The following CMTR1 variants were observed in gnomAD, a reference collection of about 807,000 sequenced individuals.
CMTR1 encodes the protein cap methyltransferase 1, also known as cap-specific mRNA (nucleoside-2'-O-)-methyltransferase 1.
CMTR1 carries 39 observed loss-of-function variants against 107.0 expected under a neutral mutation model. That is an observed-to-expected ratio of 0.36 (90% CI 0.28 to 0.48). The LOEUF (loss-of-function observed/expected upper bound fraction) is 0.48. CMTR1 is among the 20% of genes least tolerant of loss of function. The pLI is 0.99. For missense variants in CMTR1, 672 were observed against 1,064.9 expected (o/e 0.63, Z 5.14); for synonymous variants, 366 against 379.5 (o/e 0.96, Z 0.41).
the CMTR1 span, among the ~76,000 whole-genome samples, chr6:37,427,055 T>C: frequency 6.6e-6 from 1 of 152,196 alleles, no homozygotes; most frequent in African/African-American, 2.4e-5. The surrounding 1 kb of genome is among the most constrained non-coding windows in gnomAD (Gnocchi z 4.4). Flanking sequence ...ACAAGCTGTT[T>C]GTAAGCTGCT....
rs1315186658 is a variant in CMTR1, at chr6:37,435,727, A to G, written c.98A>G (p.Asp33Gly). The change falls in exon 2 of 24, where the codon GAT (aspartate) becomes GGT (glycine). Residue 33 changes from aspartate (D) to glycine (G), a missense_variant. By Grantham distance (94) the Asp-to-Gly change is moderately conservative. Transcript: ENST00000373451. Reference sequence around the variant, plus strand: ...CTGAGCCTCAGCTCCACGTCCGATGATGAACCTCCCTCCTCTGTCAGTCAT... The same window carrying G: ...CTGAGCCTCAGCTCCACGTCCGATGGTGAACCTCCCTCCTCTGTCAGTCAT... ...LALSLSSTSD[D>G]EPPSSVSHGA... is the part of the protein sequence containing the mutation. 7 of 1,600,900 alleles carry G rather than the reference A, an allele frequency of 4.4e-6. No individual in the cohort carries two copies. Among genetic ancestry groups the G allele is most frequent in the Non-Finnish European group, 5.1e-6 (6 of 1,175,210 alleles).
upstream of CMTR1, among the ~76,000 whole-genome samples, chr6:37,429,145 A>C (rs1402242140): frequency 6.6e-6 from 1 of 151,856 alleles, no homozygotes. Flanking sequence ...ATCTATCTTC[A>C]AGTTTAGTGG....
At chr6:37,438,183 C>T (rs1771583607) in intron 2 of CMTR1, among the ~76,000 whole-genome samples, 1 of 151,952 alleles carries the variant, frequency 6.6e-6, no homozygotes, top group Admixed American at 6.5e-5. Flanking sequence ...AGTTTGAGAC[C>T]AGCCTGGGGA....
At chr6:37,463,884 T>C (rs923056768) in intron 13 of CMTR1, among the ~76,000 whole-genome samples, 5 of 152,204 alleles carry the variant, frequency 3.3e-5, no homozygotes, top group African/African-American at 1.2e-4. Flanking sequence ...AACTTCAGCA[T>C]GTTATAGATG....
chr6:37,467,561 T>TA (rs1254834622), intron 13 of CMTR1, among the ~76,000 whole-genome samples: 2 of 152,230 alleles, frequency 1.3e-5, no homozygotes. Context: ...AGAGGGTTGT[T>TA]AAAGTCTTTA....
intron 8 of CMTR1, among the ~76,000 whole-genome samples, chr6:37,457,772 G>C (rs1761325235): frequency 6.6e-6 from 1 of 152,180 alleles, no homozygotes; most frequent in South Asian, 2.1e-4. Flanking sequence ...CAGAGGCTAT[G>C]ATGGGAAAAG....
chr6:37,432,457 G>C (rs373586662), upstream of CMTR1, among the ~76,000 whole-genome samples: 1 of 152,286 alleles, frequency 6.6e-6, no homozygotes, highest in East Asian at 1.9e-4. Flanking sequence ...CTGCCGAGAG[G>C]GGGTAAGTGC....
intron 5 of CMTR1, among the ~76,000 whole-genome samples, chr6:37,450,665 G>T (rs1186168766): frequency 1.3e-5 from 2 of 152,200 alleles, no homozygotes; most frequent in African/African-American, 4.8e-5. Context: ...TAGATGAAAA[G>T]ACATTGTCCC....
intron 20 of CMTR1, among the ~76,000 whole-genome samples, chr6:37,477,251 A>G (rs1410235117): frequency 1.3e-5 from 2 of 152,180 alleles, no homozygotes. Context: ...CCCTCTGGTG[A>G]TGGTGAAGAT....
rs1761670736 is a variant in CMTR1 at position 37,473,552 on chromosome 6, A to G, written c.1772A>G (p.Tyr591Cys). Reference sequence around the variant, plus strand: ...GAGAAGATCCGCCCTGTGTTTGACTACCGCTGCATGGTATCTGGCAGTGAG... The same window carrying G: ...GAGAAGATCCGCCCTGTGTTTGACTGCCGCTGCATGGTATCTGGCAGTGAG... ...TLEKIRPVFD[Y>C]RCMVSGSEQK... Residue 591 changes from tyrosine (Y) to cysteine (C), a missense_variant, in exon 17 of 24, where the codon TAC (tyrosine) becomes TGC (cysteine). This residue lies in a region of CMTR1 where 583 missense variants were observed against 968.4 expected (regional missense o/e 0.60). Transcript: ENST00000373451. 1.2e-6 allele frequency: 2 copies of G among 1,614,062 alleles called. No individual in the cohort carries two copies. Among genetic ancestry groups the G allele is most frequent in the Non-Finnish European group, 1.7e-6 (2 of 1,179,996 alleles).
intron 13 of CMTR1, among the ~76,000 whole-genome samples, chr6:37,467,787 T>C (rs1767736954): frequency 6.6e-6 from 1 of 152,196 alleles, no homozygotes; most frequent in South Asian, 2.1e-4. Context: ...AAGCTTTCTT[T>C]AGCTTAGTGT....
chr6:37,437,154 T>A (rs922825313), intron 2 of CMTR1, among the ~76,000 whole-genome samples: 4 of 152,010 alleles, frequency 2.6e-5, no homozygotes, highest in African/African-American at 9.7e-5. Flanking sequence ...CAGGATTGCT[T>A]TGAATGGGAC....
intron 4 of CMTR1, among the ~76,000 whole-genome samples, chr6:37,447,522 C>T (rs1184536934): frequency 1.3e-5 from 2 of 152,204 alleles, no homozygotes; most frequent in East Asian, 3.8e-4. Context: ...CACATCCTTT[C>T]AGTGGGGCAG....
chr6:37,448,416 TC>T (rs1176103264), intron 4 of CMTR1, among the ~76,000 whole-genome samples: 1 of 152,102 alleles, frequency 6.6e-6, no homozygotes, highest in African/African-American at 2.4e-5. Context: ...TAATCAGACT[TC>T]CATAGGGACA....
intron 17 of CMTR1, among the ~76,000 whole-genome samples, chr6:37,474,296 C>T (rs943736169): frequency 1.3e-5 from 2 of 152,222 alleles, no homozygotes; most frequent in East Asian, 1.9e-4. Flanking sequence ...GCCCTGCACC[C>T]GTTCCAAGGC....
chr6:37,476,550 G>A (rs1042633723), intron 20 of CMTR1, among the ~76,000 whole-genome samples: 2 of 152,186 alleles, frequency 1.3e-5, no homozygotes, highest in Non-Finnish European at 2.9e-5. Flanking sequence ...GGTGCTGAGG[G>A]AATAGGAATT....
chr6:37,474,765 G>A (rs948228246), intron 18 of CMTR1, 119 bp downstream of exon 18: 1 of 1,467,540 alleles, frequency 6.8e-7, no homozygotes, highest in Non-Finnish European at 9.2e-7. Context: ...CAGGGCCCAG[G>A]GCTGGGGTAA....
At chr6:37,445,572 T>C (rs1264049496) in intron 3 of CMTR1, among the ~76,000 whole-genome samples, 1 of 146,610 alleles carries the variant, frequency 6.8e-6, no homozygotes, top group Non-Finnish European at 1.5e-5. Context: ...CACTGCAAGC[T>C]TCACCTCCTG....
intron 1 of CMTR1, among the ~76,000 whole-genome samples, chr6:37,434,538 C>A (rs1176084408): frequency 1.3e-5 from 2 of 152,210 alleles, no homozygotes; most frequent in African/African-American, 4.8e-5. Context: ...ATAATCACTT[C>A]ATTCCATCTT....
Sources: allele counts gnomAD v4.1 joint callset (sites outside exome capture counted in the v4.1 genomes callset), GRCh38; gene constraint gnomAD v4.1.1; regional missense constraint gnomAD v4.1.1; non-coding constraint Gnocchi (gnomAD v3.1); transcripts MANE v1.5; gene names NCBI Gene and HGNC (gene_info 2026-07-23, HGNC 2026-07-21).